UNC13C: variants seen among roughly 807,000 people sequenced by gnomAD.
UNC13C encodes the protein unc-13 homolog C, also known as protein unc-13 homolog C.
In UNC13C, 174 loss-of-function variants were observed where a neutral mutation model predicts 245.4. The ratio of observed to expected loss-of-function variants is 0.71; its 90% CI spans 0.63 to 0.80. The LOEUF (loss-of-function observed/expected upper bound fraction) is 0.80. UNC13C is among the 30% of genes least tolerant of loss of function. The pLI, the probability that UNC13C is intolerant of heterozygous loss-of-function variation, is 0.00. For missense variants in UNC13C, 2,829 were observed against 2,602.9 expected (o/e 1.09, Z -1.89); for synonymous variants, 992 against 895.1 (o/e 1.11, Z -1.93).
At chr15:54,630,485 T>C (rs1319568457), downstream of UNC13C, 1 of 152,222 alleles carries the variant, frequency 6.6e-6, no homozygotes, top group East Asian at 1.9e-4. Flanking sequence ...TGGACTACTA[T>C]AGCAGCTTTA....
At position 54,321,973 on chromosome 15, in the gene UNC13C, C is replaced by T; in HGVS notation, c.4303C>T (p.Pro1435Ser). Residue 1435 changes from proline to serine, a missense_variant, in exon 14 of 33, where the codon CCC becomes TCC. Coordinates refer to ENST00000260323, the MANE Select transcript of UNC13C (RefSeq NM_001080534.3). ...FSCLSSKYMC[P>S]GVPAVMSTLL... ...ATGTCTGTCTTCTAAATACATGTGC[C>T]CCGGTGTCCCTGCCGTCATGAGCAC... 6.3e-7 allele frequency: 1 copy of T among 1,584,446 alleles called. No individual in the cohort carries two copies. The highest frequency in any genetic ancestry group is 1.8e-5 in the Admixed American group (1 of 55,650).
rs199803358 is a variant in UNC13C, at chr15:54,511,733, C to A, written c.5380-20C>A. On this transcript the variant is annotated intron_variant, in intron 23 of 32. Coordinates refer to ENST00000260323, the MANE Select transcript of UNC13C (RefSeq NM_001080534.3). ...ATATAAAAAGATTGCTCATAATAGT[C>A]TTTTTTTCTATATTTAAAGCCCTGT... 765 of 1,554,600 alleles carry A rather than the reference C, an allele frequency of 4.9e-4. 2 individuals are homozygous for A. Among genetic ancestry groups the A allele is most frequent in the South Asian group, 2.3e-3 (194 of 83,290 alleles).
intron 30 of UNC13C, among the ~76,000 whole-genome samples, chr15:54,594,820 A>ACC (rs1898985078): frequency 6.6e-6 from 1 of 152,212 alleles, no homozygotes; most frequent in Non-Finnish European, 1.5e-5. Context: ...CCAGCCCCAC[A>ACC]CCACCCAGTG....
intron 30 of UNC13C, among the ~76,000 whole-genome samples, chr15:54,590,219 G>A (rs1423283446): frequency 6.6e-6 from 1 of 152,160 alleles, no homozygotes; most frequent in Non-Finnish European, 1.5e-5. Context: ...AAATCAGGAA[G>A]TGGGATGCCT....
intron 4 of UNC13C, among the ~76,000 whole-genome samples, chr15:54,147,548 G>T (rs1016582188): frequency 5.3e-5 from 8 of 152,150 alleles, no homozygotes; most frequent in Admixed American, 4.6e-4. Flanking sequence ...CAATGATAGT[G>T]AACAAAGTCA....
intron 5 of UNC13C, among the ~76,000 whole-genome samples, chr15:54,235,969 C>T (rs1487455314): frequency 6.6e-6 from 1 of 151,500 alleles, no homozygotes; most frequent in Non-Finnish European, 1.5e-5. Context: ...AAATATGCTG[C>T]AGCCACCTTG....
intron 32 of UNC13C, among the ~76,000 whole-genome samples, chr15:54,626,453 G>A (rs527377509): frequency 6.8e-6 from 1 of 147,438 alleles, no homozygotes; most frequent in South Asian, 2.1e-4. Flanking sequence ...ATTGAAATGG[G>A]GAGGTAAAGT....
At chr15:54,112,598 T>C (rs1195691579) in intron 2 of UNC13C, among the ~76,000 whole-genome samples, 3 of 152,220 alleles carry the variant, frequency 2.0e-5, no homozygotes, top group Non-Finnish European at 4.4e-5. Context: ...CTTTTACTAT[T>C]GTCACATCTG....
intron 24 of UNC13C, among the ~76,000 whole-genome samples, chr15:54,513,366 T>C (rs1283309467): frequency 6.6e-6 from 1 of 152,204 alleles, no homozygotes; most frequent in East Asian, 1.9e-4. Context: ...CTTATGCTAT[T>C]TCATTACTAT....
the UNC13C span, among the ~76,000 whole-genome samples, chr15:53,879,687 C>T: frequency 1.3e-5 from 2 of 152,024 alleles, no homozygotes. Context: ...CTCCCAGGTT[C>T]AAGCAATTCT....
At chr15:53,895,410 G>C in the UNC13C span, among the ~76,000 whole-genome samples, 1 of 150,678 alleles carries the variant, frequency 6.6e-6, no homozygotes, top group Non-Finnish European at 1.5e-5. Context: ...TTGTCTTTTG[G>C]AAAACAGGTT....
At chr15:54,464,214 T>C (rs1892045423) in intron 19 of UNC13C, among the ~76,000 whole-genome samples, 1 of 152,202 alleles carries the variant, frequency 6.6e-6, no homozygotes, top group African/African-American at 2.4e-5. Context: ...GAATTTTCCT[T>C]TTTAATAATT....
intron 19 of UNC13C, among the ~76,000 whole-genome samples, chr15:54,486,839 T>C (rs1893441581): frequency 6.6e-6 from 1 of 152,218 alleles, no homozygotes; most frequent in Non-Finnish European, 1.5e-5. Flanking sequence ...TACTGCTTCC[T>C]AATTTTTCAG....
chr15:54,120,625 T>C (rs1217866072), intron 2 of UNC13C, among the ~76,000 whole-genome samples: 1 of 151,962 alleles, frequency 6.6e-6, no homozygotes, highest in Admixed American at 6.6e-5. Context: ...CTGCCAAACA[T>C]AGTGATTTAT....
intron 2 of UNC13C, among the ~76,000 whole-genome samples, chr15:54,122,911 T>C (rs959930502): frequency 6.6e-6 from 1 of 152,102 alleles, no homozygotes; most frequent in Non-Finnish European, 1.5e-5. Context: ...AAAGCTGCTA[T>C]GAAATTTCAC....
chr15:53,905,433 A>ACAG, the UNC13C span, among the ~76,000 whole-genome samples: 5,789 of 115,828 alleles, frequency 0.05, 147 homozygotes, highest in East Asian at 0.086. Flanking sequence ...CACACACACA[A>ACAG]TGGAATATTG....
intron 30 of UNC13C, among the ~76,000 whole-genome samples, chr15:54,576,708 C>A (rs1897969577): frequency 6.6e-6 from 1 of 152,120 alleles, no homozygotes. Context: ...TCCCTGTCTC[C>A]CTCTTCTCCC....
chr15:54,319,665 T>A (rs1203644537), intron 13 of UNC13C, among the ~76,000 whole-genome samples: 2 of 147,010 alleles, frequency 1.4e-5, no homozygotes, highest in Non-Finnish European at 3.0e-5. Context: ...CATTTATTTT[T>A]TGTGAGTGCC....
At chr15:54,247,625 A>T (rs757170440) in intron 7 of UNC13C, among the ~76,000 whole-genome samples, 11 of 152,136 alleles carry the variant, frequency 7.2e-5, no homozygotes, top group Admixed American at 1.3e-4. Context: ...ATGAGATCTT[A>T]TTAAAGGGGA....
Sources: gnomAD v4.1 joint callset for allele counts (sites outside exome capture counted in the v4.1 genomes callset) on GRCh38, gnomAD v4.1.1 for gene constraint, MANE v1.5 for transcripts, NCBI Gene and HGNC (gene_info 2026-07-23, HGNC 2026-07-21) for gene names.